Variants in VPS8 observed in about 807,000 individuals in gnomAD.
The protein encoded by VPS8 is vacuolar protein sorting-associated protein 8 homolog.
In VPS8, 129 loss-of-function variants were observed where a neutral mutation model predicts 216.4. The observed-to-expected ratio is 0.60, with a 90% CI of 0.52 to 0.69. The LOEUF is 0.69. Ranked by LOEUF, VPS8 falls within the 30% of genes least tolerant of loss-of-function variation. VPS8 has a pLI of 0.00. For synonymous variants in VPS8, 571 were observed against 565.4 expected, an observed-to-expected ratio of 1.01 and a Z score of -0.14; for missense variants, 1,531 against 1,683.5, an observed-to-expected ratio of 0.91 and a Z score of 1.59.
chr3:184,965,864 T>A (rs1303718224), intron 38 of VPS8, among the ~76,000 whole-genome samples: 2 of 152,034 alleles, frequency 1.3e-5, no homozygotes, highest in South Asian at 4.1e-4. Context: ...GAGGGATAGA[T>A]TTGAGAAGTT....
chr3:184,948,600 A>C (rs1744112765), intron 36 of VPS8, among the ~76,000 whole-genome samples: 1 of 152,202 alleles, frequency 6.6e-6, no homozygotes, highest in African/African-American at 2.4e-5. Context: ...CCAGCATAGT[A>C]ATCAGATTTT....
intron 25 of VPS8, among the ~76,000 whole-genome samples, chr3:184,907,789 A>G (rs1735757455): frequency 6.6e-6 from 1 of 152,122 alleles, no homozygotes; most frequent in African/African-American, 2.4e-5. Flanking sequence ...CTTTAATCCT[A>G]TCAGTTCCTG....
At chr3:184,837,211 T>TA (rs1721262109) in intron 5 of VPS8, among the ~76,000 whole-genome samples, 1 of 140,904 alleles carries the variant, frequency 7.1e-6, no homozygotes, top group East Asian at 3.3e-4. Flanking sequence ...CTAATATCTG[T>TA]GTTTTTTTTA....
chr3:184,907,310 G>T (rs1456754632), intron 25 of VPS8, among the ~76,000 whole-genome samples: 2 of 152,198 alleles, frequency 1.3e-5, no homozygotes, highest in African/African-American at 4.8e-5. Context: ...GGCAGAGAAA[G>T]AAATTAGATA....
At chr3:184,920,290 G>A (rs983461055) in intron 29 of VPS8, 92 bp downstream of exon 29, 27 of 861,350 alleles carry the variant, frequency 3.1e-5, no homozygotes, top group African/African-American at 5.3e-5. Context: ...ATCTTGTTAA[G>A]TGGTTTCTTG....
At chr3:184,877,155 G>A (rs1014867976) in intron 21 of VPS8, among the ~76,000 whole-genome samples, 4 of 152,248 alleles carry the variant, frequency 2.6e-5, no homozygotes, top group African/African-American at 9.6e-5. Flanking sequence ...TTTCTTTGTA[G>A]CTCAACTAGC....
At position 185,016,111 on chromosome 3, in the gene VPS8, GGC is replaced by G. The variant is rs1293130790; in HGVS notation, c.4003-8223_4003-8222del. 1.1e-3 allele frequency among the ~76,000 whole-genome samples: 175 copies of G among 152,326 alleles called. 2 individuals carry two copies. The highest frequency in any genetic ancestry group is 4.1e-3 in the African/African-American group (169 of 41,570). On this transcript the variant is annotated intron_variant, in intron 45 of 47. Transcript: ENST00000625842. ...TAAGGATAGAAAATAGATTACTCAT[GGC>G]GTAGGTAGGAATGCCTAGAGCAGGT... is the stretch of plus-strand genomic sequence containing the variant.
chr3:184,964,584 C>A (rs891393509), intron 38 of VPS8, 27 bp downstream of exon 38: 3 of 1,372,984 alleles, frequency 2.2e-6, no homozygotes, highest in African/African-American at 2.9e-5. Context: ...TTTCTTTCAT[C>A]ATATTTCTGT....
intron 22 of VPS8, 126 bp from the exon 23 acceptor site, chr3:184,894,577 A>G (rs1469794104): frequency 9.3e-6 from 6 of 646,372 alleles, no homozygotes; most frequent in African/African-American, 5.6e-5. Context: ...TGTGAATATT[A>G]TTGCCATTTT....
At chr3:184,844,952 A>G (rs1000540015) in intron 8 of VPS8, among the ~76,000 whole-genome samples, 1 of 152,246 alleles carries the variant, frequency 6.6e-6, no homozygotes, top group African/African-American at 2.4e-5. Flanking sequence ...AGTTTATAAG[A>G]AAGGTGATAG....
At chr3:184,899,126 C>G (rs1560584020) in intron 24 of VPS8, among the ~76,000 whole-genome samples, 1 of 152,150 alleles carries the variant, frequency 6.6e-6, no homozygotes, top group East Asian at 1.9e-4. Flanking sequence ...TTTACTGACT[C>G]AGAATTTTAT....
At chr3:184,884,523 G>A (rs1452158280) in intron 21 of VPS8, among the ~76,000 whole-genome samples, 6 of 152,052 alleles carry the variant, frequency 3.9e-5, no homozygotes, top group Admixed American at 3.9e-4. Flanking sequence ...CTGTAGACAG[G>A]GTCTTGATTA....
At chr3:184,865,589 A>G (rs1483175587) in intron 16 of VPS8, among the ~76,000 whole-genome samples, 3 of 152,184 alleles carry the variant, frequency 2.0e-5, no homozygotes, top group Admixed American at 6.5e-5. Flanking sequence ...AAAAAGAATA[A>G]CAAGTGTTGG....
At chr3:184,884,522 G>A (rs1164256651) in intron 21 of VPS8, among the ~76,000 whole-genome samples, 2 of 152,274 alleles carry the variant, frequency 1.3e-5, no homozygotes, top group African/African-American at 4.8e-5. Flanking sequence ...CCTGTAGACA[G>A]GGTCTTGATT....
intron 13 of VPS8, among the ~76,000 whole-genome samples, chr3:184,854,438 T>C (rs1724866133): frequency 6.6e-6 from 1 of 152,200 alleles, no homozygotes; most frequent in South Asian, 2.1e-4. Flanking sequence ...AGCATACAGT[T>C]GGCTTTTGTT....
intron 7 of VPS8, among the ~76,000 whole-genome samples, chr3:184,842,772 A>G (rs969144807): frequency 3.3e-5 from 5 of 152,176 alleles, no homozygotes; most frequent in Non-Finnish European, 7.4e-5. Flanking sequence ...AGAAACCATT[A>G]TAAGTTTCTT....
At chr3:184,973,078 G>A (rs533390608) in intron 40 of VPS8, among the ~76,000 whole-genome samples, 1 of 152,138 alleles carries the variant, frequency 6.6e-6, no homozygotes, top group African/African-American at 2.4e-5. Context: ...AATGTAAATT[G>A]TGTATAACAA....
At chr3:184,865,557 C>G (rs988963124) in intron 16 of VPS8, among the ~76,000 whole-genome samples, 1 of 152,028 alleles carries the variant, frequency 6.6e-6, no homozygotes, top group Admixed American at 6.5e-5. Context: ...TGCTTCACAC[C>G]CACTGGGAAG....
intron 37 of VPS8, among the ~76,000 whole-genome samples, chr3:184,961,712 A>G (rs925590101): frequency 2.9e-5 from 3 of 102,210 alleles, no homozygotes; most frequent in Non-Finnish European, 5.8e-5. Flanking sequence ...ATATTTTATT[A>G]TAAGTTGCCT....
Sources: allele counts gnomAD v4.1 joint callset (sites outside exome capture counted in the v4.1 genomes callset), GRCh38; gene constraint gnomAD v4.1.1; transcripts MANE v1.5; gene names NCBI Gene and HGNC (gene_info 2026-07-23, HGNC 2026-07-21).